Variants in DYNLT2 observed in about 807,000 individuals in gnomAD.
DYNLT2 encodes dynein light chain Tctex-type 2.
DYNLT2 carries 24 observed loss-of-function variants against 24.3 expected under a neutral mutation model. The observed-to-expected ratio is 0.99, with a 90% confidence interval of 0.71 to 1.39. The LOEUF is 1.39. Among genes scored for constraint, DYNLT2 ranks in the 40% most tolerant of loss-of-function variants. The pLI is 0.00. For missense variants in DYNLT2, 246 were observed against 234.5 expected, an observed-to-expected ratio of 1.05 and a Z score of -0.32; for synonymous variants, 85 against 85.4, an observed-to-expected ratio of 1.00 and a Z score of 0.03.
chr6:169,738,775 T>G (rs563316072), downstream of DYNLT2: 2 of 152,494 alleles, frequency 1.3e-5, no homozygotes, highest in East Asian at 3.9e-4. Context: ...CTCAGGAAAC[T>G]TAAAATCATG....
chr6:169,726,107 T>C, the DYNLT2 span, among the ~76,000 whole-genome samples: 1 of 152,268 alleles, frequency 6.6e-6, no homozygotes, highest in Non-Finnish European at 1.5e-5. Context: ...CTGTCTGTTA[T>C]TTAGGTTGAC....
At chr6:169,730,202 C>T in the DYNLT2 span, among the ~76,000 whole-genome samples, 1 of 151,982 alleles carries the variant, frequency 6.6e-6, no homozygotes, top group African/African-American at 2.4e-5. Flanking sequence ...TGAGGACTGC[C>T]TTGTTTTGGA....
At chr6:169,733,176 T>C in the DYNLT2 span, among the ~76,000 whole-genome samples, 1 of 152,130 alleles carries the variant, frequency 6.6e-6, no homozygotes, top group Non-Finnish European at 1.5e-5. Flanking sequence ...TTGCAAATTA[T>C]GGATATTAGA....
At chr6:169,740,446 G>T in intron 3 of DYNLT2, 151 bp from the exon 4 acceptor site, 1 of 612,990 alleles carries the variant, frequency 1.6e-6, no homozygotes, top group East Asian at 2.8e-5. Flanking sequence ...TTCATAAAGA[G>T]CCTGGAGAAT....
At chr6:169,750,951 T>A (rs1270439020) in intron 1 of DYNLT2, 1 of 160,464 alleles carries the variant, frequency 6.2e-6, no homozygotes, top group Non-Finnish European at 1.4e-5. Flanking sequence ...ACACACTCAT[T>A]TTTCGCTAGC....
downstream of DYNLT2, among the ~76,000 whole-genome samples, chr6:169,736,985 C>T (rs1229041459): frequency 6.6e-6 from 1 of 152,118 alleles, no homozygotes; most frequent in Non-Finnish European, 1.5e-5. Context: ...TATGAAGTCC[C>T]ATATTTCTTG....
chr6:169,748,980 C>A (rs562735179), intron 1 of DYNLT2, among the ~76,000 whole-genome samples: 1 of 152,048 alleles, frequency 6.6e-6, no homozygotes, highest in Non-Finnish European at 1.5e-5. Flanking sequence ...TCTAATAATA[C>A]CTGAGTTTCT....
At chr6:169,749,782 G>T (rs1789908701) in intron 1 of DYNLT2, 1 of 152,106 alleles carries the variant, frequency 6.6e-6, no homozygotes, top group Admixed American at 6.5e-5. Flanking sequence ...AGTTAACTGA[G>T]GTGCTACCAC....
the DYNLT2 span, among the ~76,000 whole-genome samples, chr6:169,734,490 A>G: frequency 6.6e-6 from 1 of 152,202 alleles, no homozygotes; most frequent in African/African-American, 2.4e-5. Context: ...GTTTTTTAAC[A>G]TGAAGGGATG....
In DYNLT2 at chr6:169,740,307, A is replaced by G. The variant is rs1186366394; in HGVS notation, c.487-12T>C. On this transcript the variant is annotated splice_polypyrimidine_tract_variant and intron_variant, in intron 3 of 3. Coordinates refer to ENST00000366774, the MANE Select transcript of DYNLT2 (RefSeq NM_174910.3). The stretch of plus-strand genomic sequence containing the variant: ...CATCTGCTGGCAATCTGTGAGAGAA[A>G]TTTTGTAAAGACCAACTTTAGATTG... 3.2e-6 allele frequency: 5 copies of G among 1,584,128 alleles called. No homozygotes were observed. Among genetic ancestry groups the G allele is most frequent in the Non-Finnish European group, 4.3e-6 (5 of 1,153,648 alleles).
chr6:169,737,364 G>C (rs1473179034), downstream of DYNLT2, among the ~76,000 whole-genome samples: 2 of 152,166 alleles, frequency 1.3e-5, no homozygotes, highest in Non-Finnish European at 2.9e-5. Context: ...CCTTGATGGA[G>C]AGACACTGTG....
At chr6:169,751,241 C>T in intron 1 of DYNLT2, 98 bp downstream of exon 1, 4 of 1,508,866 alleles carry the variant, frequency 2.7e-6, no homozygotes, top group Non-Finnish European at 3.5e-6. Context: ...GCCTCCTTGG[C>T]TCTGGGGGTG....
At chr6:169,730,569 T>C in the DYNLT2 span, among the ~76,000 whole-genome samples, 18 of 151,974 alleles carry the variant, frequency 1.2e-4, no homozygotes, top group Non-Finnish European at 1.9e-4. Flanking sequence ...GGAAGAGAGG[T>C]TGGGAATATA....
rs781613331 is a variant in DYNLT2, at chr6:169,744,281, GAGAA to G, written c.121-11_121-8del. The G allele has an allele frequency of 2.5e-6, 4 of 1,608,100 alleles. No homozygotes were observed. Among genetic ancestry groups the G allele is most frequent in the Non-Finnish European group, 2.6e-6 (3 of 1,176,078 alleles). On this transcript the variant is annotated splice_region_variant and splice_polypyrimidine_tract_variant and intron_variant, in intron 1 of 3. Transcript: ENST00000366774. ...CTCTTAAAATCTGTGTATACTGGAG[GAGAA>G]AGAGAGAGGGGAAGAGAGAAAGGCA...
the DYNLT2 span, chr6:169,725,516 G>T: frequency 2.5e-6 from 1 of 394,800 alleles, no homozygotes; most frequent in East Asian, 3.6e-5. Flanking sequence ...ATCCGTTCTT[G>T]CCTCTGTCCC....
intron 1 of DYNLT2, chr6:169,751,038 A>G: frequency 6.2e-6 from 2 of 322,234 alleles, no homozygotes; most frequent in Non-Finnish European, 1.1e-5. Flanking sequence ...GAGTACTCTC[A>G]GGAAATCCGC....
In DYNLT2 at chr6:169,743,178, C is replaced by T; in HGVS notation, c.388G>A (p.Ala130Thr). 1 of 1,570,060 alleles carries T rather than the reference C, an allele frequency of 6.4e-7. No individual in the cohort carries two copies. The highest frequency in any genetic ancestry group is 8.7e-7 in the Non-Finnish European group (1 of 1,151,348). ...KVFSHLSLEL[A>T]DRILLAVKEF... ...TTGACTGCTAACAGTATGCGGTCTG[C>T]CAATTCAAGTGACAAGTGAGAGAAT... The change falls in exon 3 of 4, where the codon GCA (alanine) becomes ACA (threonine). Residue 130 changes from alanine to threonine, a missense_variant. Physicochemically the swap from Ala to Thr is moderately conservative, Grantham distance 58 (BLOSUM62 0). Transcript: ENST00000366774.
downstream of DYNLT2, among the ~76,000 whole-genome samples, chr6:169,736,793 G>A (rs989522250): frequency 2.0e-5 from 3 of 152,108 alleles, no homozygotes; most frequent in African/African-American, 7.2e-5. Context: ...TATGTGTCTT[G>A]GGGTTGATCT....
downstream of DYNLT2, among the ~76,000 whole-genome samples, chr6:169,739,208 C>CTTT (rs557162178): frequency 1.5e-5 from 2 of 131,448 alleles, no homozygotes; most frequent in African/African-American, 2.8e-5. Flanking sequence ...CAATTTTCTC[C>CTTT]TTTTTTTTTT....
Sources: gnomAD v4.1 joint callset for allele counts (sites outside exome capture counted in the v4.1 genomes callset) on GRCh38, gnomAD v4.1.1 for gene constraint, MANE v1.5 for transcripts, NCBI Gene and HGNC (gene_info 2026-07-23, HGNC 2026-07-21) for gene names.